TIMD4: variants seen among roughly 807,000 people sequenced by gnomAD.
TIMD4 encodes the protein T-cell immunoglobulin and mucin domain-containing protein 4.
Under a neutral mutation model 41.2 loss-of-function variants are expected in TIMD4, and 31 were observed. That is an observed-to-expected ratio of 0.75 (90% CI 0.57 to 1.01). TIMD4 has a LOEUF of 1.01. Among genes scored for constraint, TIMD4 ranks in the 50% least tolerant of loss-of-function variants. The pLI is 0.00. For missense variants in TIMD4, 479 were observed against 472.5 expected (o/e 1.01, Z -0.13); for synonymous variants, 204 against 177.1 (o/e 1.15, Z -1.21).
intron 5 of TIMD4, among the ~76,000 whole-genome samples, chr5:156,946,539 C>T (rs1383189550): frequency 6.6e-6 from 1 of 152,128 alleles, no homozygotes; most frequent in Non-Finnish European, 1.5e-5. Context: ...TGCAGTGGCA[C>T]AATCTCGGCT....
At chr5:156,930,746 A>T (rs1303346402) in intron 5 of TIMD4, among the ~76,000 whole-genome samples, 1 of 152,256 alleles carries the variant, frequency 6.6e-6, no homozygotes, top group Non-Finnish European at 1.5e-5. Flanking sequence ...TAACAAGAAT[A>T]CATTATTTTT....
At chr5:156,928,907 A>G (rs1183144062) in intron 5 of TIMD4, among the ~76,000 whole-genome samples, 2 of 152,246 alleles carry the variant, frequency 1.3e-5, no homozygotes, top group Admixed American at 6.5e-5. Context: ...CTGAAATTGA[A>G]ACTATCAAAC....
intron 5 of TIMD4, among the ~76,000 whole-genome samples, chr5:156,926,520 G>A (rs1759351164): frequency 6.6e-6 from 1 of 152,184 alleles, no homozygotes; most frequent in Admixed American, 6.5e-5. Context: ...TTATCCCTGG[G>A]AACATCACCA....
chr5:156,924,610 T>C, intron 6 of TIMD4: 1 of 237,044 alleles, frequency 4.2e-6, no homozygotes, highest in Non-Finnish European at 8.8e-6. Flanking sequence ...AGAAAGGAGA[T>C]ATTATATGAC....
chr5:156,937,740 T>A (rs542633719), intron 5 of TIMD4, among the ~76,000 whole-genome samples: 111 of 152,328 alleles, frequency 7.3e-4, no homozygotes, highest in Non-Finnish European at 1.3e-3. Flanking sequence ...CCAATGTTAT[T>A]AATAAAAAAT....
chr5:156,936,949 A>AAAAT (rs934844917), intron 5 of TIMD4, among the ~76,000 whole-genome samples: 3 of 151,544 alleles, frequency 2.0e-5, no homozygotes, highest in Non-Finnish European at 4.4e-5. Context: ...AAAAAAAAAA[A>AAAAT]AAGGAAATGA....
chr5:156,937,539 G>C (rs1202096138), intron 5 of TIMD4, among the ~76,000 whole-genome samples: 1 of 152,090 alleles, frequency 6.6e-6, no homozygotes, highest in Non-Finnish European at 1.5e-5. Context: ...CAGTTTGTTA[G>C]CCATCAATGA....
At chr5:156,948,373 T>C in intron 5 of TIMD4, 43 bp downstream of exon 5, 1 of 1,098,432 alleles carries the variant, frequency 9.1e-7, no homozygotes, top group Non-Finnish European at 1.2e-6. Flanking sequence ...ATAATAATAA[T>C]TAATAAAGTA....
intron 5 of TIMD4, among the ~76,000 whole-genome samples, chr5:156,946,058 G>C (rs906103344): frequency 6.6e-6 from 1 of 152,200 alleles, no homozygotes; most frequent in African/African-American, 2.4e-5. Flanking sequence ...TTTGGTCAAG[G>C]AGGAGAGAAA....
chr5:156,960,277 T>TAAA (rs200459641), intron 1 of TIMD4, among the ~76,000 whole-genome samples: 1 of 150,630 alleles, frequency 6.6e-6, no homozygotes, highest in African/African-American at 2.4e-5. Context: ...ACAAAGACAG[T>TAAA]AAAAAAAAAT....
At chr5:156,930,761 A>G (rs1401754957) in intron 5 of TIMD4, among the ~76,000 whole-genome samples, 3 of 152,268 alleles carry the variant, frequency 2.0e-5, no homozygotes, top group Admixed American at 1.3e-4. Context: ...ATTTTTCATC[A>G]GAACACATTA....
At chr5:156,954,297 C>T (rs1759920260) in intron 2 of TIMD4, 118 bp downstream of exon 2, 1 of 985,562 alleles carries the variant, frequency 1.0e-6, no homozygotes, top group Non-Finnish European at 1.5e-6. Context: ...ATTTCAAATT[C>T]AATCTTCCCA....
rs576499367 is a variant in TIMD4 at position 156,940,447 on chromosome 5, C to T, written c.844+7969G>A. On this transcript the variant is annotated intron_variant, in intron 5 of 8. Coordinates refer to ENST00000274532, the MANE Select transcript of TIMD4 (RefSeq NM_138379.3). ...CTGGGATGTGAGGAGCCCCTCTGCC[C>T]GGCCGCCCAGCCTGGGAAGTGAGGA... 6.5e-4 allele frequency among the ~76,000 whole-genome samples: 99 copies of T among 152,108 alleles called. No individual in the cohort carries two copies. The South Asian group carries it at 8.3e-3, about 13-fold the overall frequency.
chr5:156,922,136 A>G lies in TIMD4; in HGVS notation c.975T>C (p.Phe325=). The part of the protein sequence containing the change: ...LLMIIAPSLG[F]VLFALFVAFL... ...ACGCCACAAACAATGCGAAGAGCAC[A>G]AATCCCAAGGAGGGGGCGATGATCA... The change falls in exon 7 of 9, where the codon TTT becomes TTC. Residue 325 remains phenylalanine, a synonymous_variant. Transcript: ENST00000274532. 1 of 1,614,008 alleles carries G rather than the reference A, an allele frequency of 6.2e-7. No individual in the cohort carries two copies. The highest frequency in any genetic ancestry group is 8.5e-7 in the Non-Finnish European group (1 of 1,179,930).
intron 5 of TIMD4, among the ~76,000 whole-genome samples, chr5:156,940,266 C>A (rs895163091): frequency 1.3e-5 from 2 of 152,244 alleles, no homozygotes; most frequent in Non-Finnish European, 2.9e-5. Flanking sequence ...TGCTCAATGT[C>A]GCCCAGGCTG....
intron 1 of TIMD4, among the ~76,000 whole-genome samples, chr5:156,955,171 T>C (rs1759948925): frequency 6.6e-6 from 1 of 152,188 alleles, no homozygotes; most frequent in African/African-American, 2.4e-5. Flanking sequence ...ATCCCCTAAG[T>C]GGAACCAGGT....
intron 1 of TIMD4, among the ~76,000 whole-genome samples, chr5:156,954,999 T>G (rs1759945076): frequency 6.6e-6 from 1 of 152,030 alleles, no homozygotes; most frequent in Non-Finnish European, 1.5e-5. Flanking sequence ...CACCTCAGCC[T>G]TCTGAGTAGC....
At chr5:156,940,925 T>C (rs1759639202) in intron 5 of TIMD4, among the ~76,000 whole-genome samples, 1 of 152,248 alleles carries the variant, frequency 6.6e-6, no homozygotes, top group Non-Finnish European at 1.5e-5. Flanking sequence ...ACTGTGTCTG[T>C]GTAGAAAGAA....
At chr5:156,952,040 A>C (rs923579858) in intron 2 of TIMD4, among the ~76,000 whole-genome samples, 5 of 152,118 alleles carry the variant, frequency 3.3e-5, no homozygotes, top group Admixed American at 2.6e-4. Flanking sequence ...CTGTAATCCC[A>C]GCACTTTGGG....
Sources: gnomAD v4.1 joint callset for allele counts (sites outside exome capture counted in the v4.1 genomes callset) on GRCh38, gnomAD v4.1.1 for gene constraint, MANE v1.5 for transcripts, NCBI Gene and HGNC (gene_info 2026-07-23, HGNC 2026-07-21) for gene names.